The following RGS5 variants were observed in gnomAD, a reference collection of about 807,000 sequenced individuals.
RGS5 encodes regulator of G protein signaling 5.
RGS5 carries 20 observed loss-of-function variants against 18.9 expected under a neutral mutation model. The observed-to-expected ratio is 1.06, with a 90% CI of 0.74 to 1.54. The LOEUF is 1.54. Among genes scored for constraint, RGS5 ranks in the 40% most tolerant of loss-of-function variants. The probability of loss-of-function intolerance (pLI) is 0.00; values close to 1 mark genes in which losing one functional copy is unlikely to be tolerated. For missense variants in RGS5, 201 were observed against 211.8 expected, an observed-to-expected ratio of 0.95 and a Z score of 0.32; for synonymous variants, 57 against 76.2, an observed-to-expected ratio of 0.75 and a Z score of 1.31.
intron 1 of RGS5, among the ~76,000 whole-genome samples, chr1:163,208,270 C>CCG (rs111281606): frequency 5.1e-4 from 2 of 3,890 alleles, no homozygotes; most frequent in East Asian, 0.033. Flanking sequence ...ATGGCGTGAA[C>CCG]CCGGGAGGCG....
At chr1:163,157,845 C>T (rs182664442) in intron 3 of RGS5, among the ~76,000 whole-genome samples, 3 of 152,098 alleles carry the variant, frequency 2.0e-5, no homozygotes, top group African/African-American at 4.8e-5. Flanking sequence ...TTCTTTCTTC[C>T]TTTTTTCTGT....
chr1:163,226,753 G>A (rs1470367041), intron 2 of RGS5, among the ~76,000 whole-genome samples: 1 of 152,176 alleles, frequency 6.6e-6, no homozygotes, highest in Non-Finnish European at 1.5e-5. Context: ...TGATGTGTGA[G>A]TCTTTGGAGA....
chr1:163,283,762 C>G (rs973116462), intron 2 of RGS5, among the ~76,000 whole-genome samples: 3 of 152,172 alleles, frequency 2.0e-5, no homozygotes, highest in Admixed American at 6.6e-5. Context: ...GAACTGAAGA[C>G]AGCCTTTAGG....
intron 1 of RGS5, among the ~76,000 whole-genome samples, chr1:163,314,616 G>A (rs184480787): frequency 6.6e-6 from 1 of 152,140 alleles, no homozygotes; most frequent in African/African-American, 2.4e-5. Flanking sequence ...GTTATTATGA[G>A]TTTCATTTTT....
At chr1:163,196,409 G>T (rs933083175) in intron 1 of RGS5, among the ~76,000 whole-genome samples, 1 of 152,128 alleles carries the variant, frequency 6.6e-6, no homozygotes, top group South Asian at 2.1e-4. Context: ...CCGTAATATT[G>T]TGTAGTCCTT....
rs142954084 is a variant in RGS5, at chr1:163,226,944, T to C, written c.-280-58576A>G. Among the ~76,000 whole-genome samples, 19 of 152,304 alleles carry C rather than the reference T, an allele frequency of 1.2e-4. No individual in the cohort carries two copies. The East Asian group carries it at 3.7e-3, about 29-fold the overall frequency. On this transcript the variant is annotated intron_variant, in intron 2 of 5. Coordinates refer to the RGS5 transcript ENST00000618415. Reference sequence around the variant, plus strand: ...ACATTGGACATTTTTAAAAATGATATAACAAAATAAGAGGAGTGATAGTCC... The same window carrying C: ...ACATTGGACATTTTTAAAAATGATACAACAAAATAAGAGGAGTGATAGTCC...
intron 2 of RGS5, among the ~76,000 whole-genome samples, chr1:163,280,700 T>C (rs11484751): frequency 0.024 from 3,638 of 152,164 alleles, 145 homozygotes; most frequent in African/African-American, 0.082. Context: ...AAGCAATCTA[T>C]AGATTCAATG....
intron 2 of RGS5, among the ~76,000 whole-genome samples, chr1:163,162,536 G>T (rs533498506): frequency 1.4e-5 from 2 of 140,856 alleles, no homozygotes; most frequent in African/African-American, 6.1e-5. Flanking sequence ...AAACGTAGGC[G>T]CATTTTTCCT....
chr1:163,193,135 G>C (rs1659424938), intron 1 of RGS5, among the ~76,000 whole-genome samples: 1 of 152,110 alleles, frequency 6.6e-6, no homozygotes, highest in African/African-American at 2.4e-5. Context: ...TTCTTCTTCT[G>C]ACTCTAATAT....
chr1:163,205,287 C>T (rs1659920586), upstream of RGS5, among the ~76,000 whole-genome samples: 2 of 143,988 alleles, frequency 1.4e-5, no homozygotes, highest in South Asian at 4.3e-4. Context: ...CTATACTGTA[C>T]CGTACACTTA....
At chr1:163,229,658 AT>A (rs1206222754) in intron 2 of RGS5, among the ~76,000 whole-genome samples, 2 of 152,128 alleles carry the variant, frequency 1.3e-5, no homozygotes, top group Admixed American at 1.3e-4. Context: ...TTGCAGTTCC[AT>A]TTCCCTGGAA....
chr1:163,198,430 TA>T (rs1314462654), intron 1 of RGS5, among the ~76,000 whole-genome samples: 3 of 152,118 alleles, frequency 2.0e-5, no homozygotes, highest in Non-Finnish European at 4.4e-5. Flanking sequence ...TCCTTTATAT[TA>T]TGATGATATT....
intron 2 of RGS5, among the ~76,000 whole-genome samples, chr1:163,302,036 TTTTTA>T (rs1332788185): frequency 6.6e-6 from 1 of 151,772 alleles, no homozygotes; most frequent in Non-Finnish European, 1.5e-5. Flanking sequence ...GATATGCTGT[TTTTTA>T]TTTTAAGAAA....
chr1:163,153,811 T>C (rs1657473720), intron 3 of RGS5, among the ~76,000 whole-genome samples: 1 of 131,300 alleles, frequency 7.6e-6, no homozygotes, highest in South Asian at 2.9e-4. Context: ...ATATGTATTA[T>C]TCAACATATA....
chr1:163,143,632 T>A lies in RGS5; in HGVS notation c.*3710A>T, dbSNP rs569489018. 54 of 152,276 alleles carry A rather than the reference T, an allele frequency of 3.5e-4. No homozygotes were observed. Among genetic ancestry groups the A allele is most frequent in the African/African-American group, 1.2e-3 (48 of 41,566 alleles). The allele number at this position is 152,276 out of a possible 1,614,324, so 9.4% of individuals were successfully genotyped here. On this transcript the variant is annotated 3_prime_UTR_variant, in exon 5 of 5. Transcript: ENST00000313961. ...AGGTCTGAGCACTTACTTTTTAACC[T>A]CTTCCCTTCTCCCCTTTCTTCCCTT...
intron 2 of RGS5, among the ~76,000 whole-genome samples, chr1:163,223,361 C>T (rs1176851444): frequency 6.6e-6 from 1 of 152,172 alleles, no homozygotes; most frequent in Admixed American, 6.6e-5. Context: ...ACTGCAATCA[C>T]AGGATGATAG....
At chr1:163,233,036 T>C (rs1647523901) in intron 2 of RGS5, among the ~76,000 whole-genome samples, 1 of 152,238 alleles carries the variant, frequency 6.6e-6, no homozygotes, top group African/African-American at 2.4e-5. Context: ...ATTATTGTCA[T>C]GACTCTAATT....
At chr1:163,209,647 G>A (rs1357636467) in intron 1 of RGS5, among the ~76,000 whole-genome samples, 1 of 151,996 alleles carries the variant, frequency 6.6e-6, no homozygotes, top group Non-Finnish European at 1.5e-5. Flanking sequence ...TTATAAATGG[G>A]ATTTTCTCTA....
chr1:163,184,691 T>G (rs1005192512), intron 1 of RGS5, among the ~76,000 whole-genome samples: 26 of 152,178 alleles, frequency 1.7e-4, no homozygotes, highest in Non-Finnish European at 3.1e-4. Flanking sequence ...GAAGGCAATA[T>G]GACAATGAAA....
Sources: allele counts gnomAD v4.1 joint callset (sites outside exome capture counted in the v4.1 genomes callset), GRCh38; gene constraint gnomAD v4.1.1; transcripts MANE v1.5; gene names NCBI Gene and HGNC (gene_info 2026-07-23, HGNC 2026-07-21).